SUN1: variants seen among roughly 807,000 people sequenced by gnomAD.
SUN1 encodes Sad1 and UNC84 domain containing 1.
A neutral mutation model predicts 103.2 loss-of-function variants in SUN1; 61 were observed. The observed-to-expected ratio is 0.59, with a 90% confidence interval of 0.48 to 0.73. SUN1 has a LOEUF of 0.73. Ranked by LOEUF, SUN1 falls within the 30% of genes least tolerant of loss-of-function variation. The probability of loss-of-function intolerance (pLI) is 0.00; values close to 1 mark genes in which losing one functional copy is unlikely to be tolerated. For missense variants in SUN1, 1,052 were observed against 1,034.6 expected, an observed-to-expected ratio of 1.02 and a Z score of -0.23; for synonymous variants, 490 against 425.7, an observed-to-expected ratio of 1.15 and a Z score of -1.86.
chr7:860,434 G>T, intron 14 of SUN1, 52 bp downstream of exon 14: 1 of 1,593,908 alleles, frequency 6.3e-7, no homozygotes. Flanking sequence ...TCTGTGCTGA[G>T]ACTGAAGACC....
At chr7:861,172 C>T (rs57758467) in intron 14 of SUN1, among the ~76,000 whole-genome samples, 3,579 of 152,264 alleles carry the variant, frequency 0.024, 181 homozygotes, top group East Asian at 0.19. Context: ...GAAGAGGCCT[C>T]GTGCCCTCCC....
chr7:848,808 G>C (rs531958359), intron 5 of SUN1, among the ~76,000 whole-genome samples: 5 of 152,158 alleles, frequency 3.3e-5, no homozygotes, highest in African/African-American at 4.8e-5. Flanking sequence ...TCTGTGTGTG[G>C]TTTGGTTCCC....
intron 1 of SUN1, among the ~76,000 whole-genome samples, chr7:824,832 T>A (rs1789903886): frequency 6.9e-6 from 1 of 145,072 alleles, no homozygotes; most frequent in African/African-American, 2.5e-5. Flanking sequence ...TGGGGTGTGC[T>A]GGGAGGCAGT....
At chr7:832,206 C>A, upstream of SUN1, 1 of 756,996 alleles carries the variant, frequency 1.3e-6, no homozygotes, top group Non-Finnish European at 1.8e-6. Context: ...CTCTGAGTTT[C>A]TCTCCGTGTT....
intron 16 of SUN1, among the ~76,000 whole-genome samples, chr7:866,501 C>T (rs1293533772): frequency 6.7e-6 from 1 of 150,144 alleles, no homozygotes; most frequent in African/African-American, 2.5e-5. Flanking sequence ...CCCATCCCTC[C>T]GGCCTTTGCC....
chr7:852,624 C>G lies in SUN1; in HGVS notation c.867C>G (p.Ile289Met), dbSNP rs773538644. The G allele has an allele frequency of 6.2e-7, 1 of 1,614,232 alleles. No homozygotes were observed. The highest frequency in any genetic ancestry group is 2.2e-5 in the East Asian group (1 of 44,890). Reference sequence around the variant, plus strand: ...TTACTCCCAGGTGCCTTCGAAACATCTGCAAGTTTTTAGTCTTGCTCATCC... The same window carrying G: ...TTACTCCCAGGTGCCTTCGAAACATGTGCAAGTTTTTAGTCTTGCTCATCC... Reference protein sequence around the residue: ...VFLLTRCLRNICKFLVLLIPL... With the variant: ...VFLLTRCLRNMCKFLVLLIPL... Residue 289 changes from isoleucine (I) to methionine (M), a missense_variant, in exon 8 of 19, where the codon ATC becomes ATG. By Grantham distance (10) the Ile-to-Met change is conservative (BLOSUM62 1). This residue lies in a region of SUN1 where 846 missense variants were observed against 774.5 expected (regional missense o/e 1.09). Coordinates refer to ENST00000401592, the MANE Select transcript of SUN1 (RefSeq NM_001130965.3).
At chr7:860,469 G>T in intron 14 of SUN1, 87 bp downstream of exon 14, 1 of 1,558,638 alleles carries the variant, frequency 6.4e-7, no homozygotes. Context: ...GGATGTTGAT[G>T]TCTTGTTTTA....
At position 860,201 on chromosome 7, in the gene SUN1, T is replaced by C; in HGVS notation, c.1598T>C (p.Leu533Pro). ...EDQQGGSLEQLLQRFSSQFVS... is the reference protein window; with the variant it reads ...EDQQGGSLEQPLQRFSSQFVS... Reference sequence around the variant, plus strand: ...CAGCAAGGCGGTTCTCTGGAACAGCTGCTGCAGAGGTTCTCATCACAGTTT... The same window carrying C: ...CAGCAAGGCGGTTCTCTGGAACAGCCGCTGCAGAGGTTCTCATCACAGTTT... Residue 533 changes from leucine to proline, a missense_variant, in exon 14 of 19, where the codon CTG (leucine) becomes CCG (proline). This residue lies in a region of SUN1 where 846 missense variants were observed against 774.5 expected (regional missense o/e 1.09). Coordinates refer to ENST00000401592, the MANE Select transcript of SUN1 (RefSeq NM_001130965.3). 1 of 1,614,250 alleles carries C rather than the reference T, an allele frequency of 6.2e-7. No individual in the cohort carries two copies. The highest frequency in any genetic ancestry group is 1.1e-5 in the South Asian group (1 of 91,086).
At chr7:823,851 G>C (rs1415174791) in intron 1 of SUN1, among the ~76,000 whole-genome samples, 1 of 152,170 alleles carries the variant, frequency 6.6e-6, no homozygotes, top group African/African-American at 2.4e-5. Flanking sequence ...GCGTGATTTG[G>C]ACCTGTGAGC....
At chr7:871,537 G>A (rs1397815020) in intron 17 of SUN1, among the ~76,000 whole-genome samples, 4 of 152,262 alleles carry the variant, frequency 2.6e-5, no homozygotes, top group African/African-American at 7.2e-5. Flanking sequence ...ACAGGCGCCC[G>A]CCACCACACC....
At chr7:864,690 G>A (rs984856851) in intron 15 of SUN1, among the ~76,000 whole-genome samples, 1 of 48,574 alleles carries the variant, frequency 2.1e-5, no homozygotes, top group Non-Finnish European at 4.5e-5. Flanking sequence ...GTGCAATGGC[G>A]CAATCTCGGC....
intron 15 of SUN1, among the ~76,000 whole-genome samples, chr7:865,408 G>A (rs955724668): frequency 6.6e-6 from 1 of 152,202 alleles, no homozygotes; most frequent in Admixed American, 6.5e-5. Context: ...ACTGCACCTG[G>A]CCTGCTCTCA....
At position 867,307 on chromosome 7, in the gene SUN1, GGCT is replaced by G. The variant is rs557981763; in HGVS notation, c.1980+1244_1980+1246del. ...CCACACAGCCCTGCGCTTGGCATGC[GGCT>G]GCTTTTTCTGTGCCAGCTCACGAGT... is the stretch of plus-strand genomic sequence containing the variant. On this transcript the variant is annotated intron_variant, in intron 16 of 18. Transcript: ENST00000401592. Among the ~76,000 whole-genome samples, 11 of 152,378 alleles carry G rather than the reference GGCT, an allele frequency of 7.2e-5. 1 individual carries two copies. The highest frequency in any genetic ancestry group is 3.4e-3 in the Middle Eastern group (1 of 294).
chr7:834,178 G>A (rs1800686899), intron 1 of SUN1, among the ~76,000 whole-genome samples: 1 of 151,932 alleles, frequency 6.6e-6, no homozygotes, highest in African/African-American at 2.4e-5. Flanking sequence ...GCCGGATGGT[G>A]TAGGCTGGGC....
chr7:832,150 G>A (rs1316587212), upstream of SUN1: 3 of 932,690 alleles, frequency 3.2e-6, no homozygotes, highest in Non-Finnish European at 3.9e-6. Context: ...AGAAGACCGA[G>A]AACATTTTGA....
intron 12 of SUN1, among the ~76,000 whole-genome samples, chr7:856,770 C>A (rs1016805597): frequency 6.6e-6 from 1 of 152,148 alleles, no homozygotes; most frequent in Non-Finnish European, 1.5e-5. Flanking sequence ...GGCTCTGCAC[C>A]GGGCCTCCGC....
upstream of SUN1, among the ~76,000 whole-genome samples, chr7:827,982 G>A (rs763238430): frequency 7.3e-5 from 11 of 151,392 alleles, no homozygotes; most frequent in Non-Finnish European, 1.2e-4. Flanking sequence ...TGGGCTCACC[G>A]CAACCTGCGC....
chr7:856,506 G>T lies in SUN1; in HGVS notation c.1394+105G>T, dbSNP rs1562743681. On this transcript the variant is annotated intron_variant, in intron 12 of 18. Transcript: ENST00000401592. ...GGGGGACCCGGGGCCGGCCTCCCCCGAGGGTCACCTGAAGGCCCTGAGGTT... is the reference window on the plus strand; with the variant it reads ...GGGGGACCCGGGGCCGGCCTCCCCCTAGGGTCACCTGAAGGCCCTGAGGTT... 19 of 1,299,808 alleles carry T rather than the reference G, an allele frequency of 1.5e-5. No homozygotes were observed. The South Asian group carries it at 2.0e-4, about 13-fold the overall frequency. 80.5% of individuals were successfully genotyped at this position (1,299,808 alleles called of 1,614,324 possible). A position where few individuals can be genotyped will look rare whatever the true frequency, so the allele number is the denominator to read the frequency against.
intron 5 of SUN1, among the ~76,000 whole-genome samples, chr7:846,364 C>T (rs1016220034): frequency 1.3e-5 from 2 of 152,182 alleles, no homozygotes; most frequent in African/African-American, 4.8e-5. Context: ...ACCTTGGCCT[C>T]CCAAAGTGCT....
Sources: gnomAD v4.1 joint callset for allele counts (sites outside exome capture counted in the v4.1 genomes callset) on GRCh38, gnomAD v4.1.1 for gene constraint, gnomAD v4.1.1 regional missense constraint, MANE v1.5 for transcripts, NCBI Gene and HGNC (gene_info 2026-07-23, HGNC 2026-07-21) for gene names.